Variants in SLC35B2 observed in about 807,000 individuals in gnomAD.
The protein encoded by SLC35B2 is solute carrier family 35 member B2, also known as adenosine 3'-phospho 5'-phosphosulfate transporter 1.
SLC35B2 carries 19 observed loss-of-function variants against 37.9 expected under a neutral mutation model. The ratio of observed to expected loss-of-function variants is 0.50; its 90% CI spans 0.35 to 0.74. The LOEUF (loss-of-function observed/expected upper bound fraction) is 0.74. Ranked by LOEUF, SLC35B2 falls within the 30% of genes least tolerant of loss-of-function variation. The probability of loss-of-function intolerance (pLI) is 0.01; values close to 1 mark genes in which losing one functional copy is unlikely to be tolerated. For synonymous variants in SLC35B2, 277 were observed against 225.2 expected (o/e 1.23, Z -2.06); for missense variants, 633 against 547.6 (o/e 1.16, Z -1.56).
chr6:44,255,523 A>C lies in SLC35B2; in HGVS notation c.482T>G (p.Val161Gly). 3 of 1,614,092 alleles carry C rather than the reference A, an allele frequency of 1.9e-6. No individual in the cohort carries two copies. Among genetic ancestry groups the C allele is most frequent in the Non-Finnish European group, 2.5e-6 (3 of 1,180,036 alleles). The change falls in exon 4 of 4, where the codon GTG becomes GGG. Residue 161 changes from valine (V) to glycine (G), a missense_variant. Val to Gly is a moderately radical substitution (Grantham distance 109). Transcript: ENST00000393812. Reference sequence around the variant, plus strand: ...GAGGCCAGCCACAATCAGTGCCAGCACTCGGTTCATTAGCACCAGGAACTG... The same window carrying C: ...GAGGCCAGCCACAATCAGTGCCAGCCCTCGGTTCATTAGCACCAGGAACTG... ...DSQFLVLMNR[V>G]LALIVAGLSC...
chr6:44,257,235 G>A (rs1027991032), intron 1 of SLC35B2, 165 bp downstream of exon 1: 24 of 768,502 alleles, frequency 3.1e-5, no homozygotes, highest in South Asian at 7.3e-5. Context: ...AGCTCCCCAA[G>A]GAGCACAAAA....
In SLC35B2 at chr6:44,254,657, G is replaced by T. The variant is rs1781171028; in HGVS notation, c.*49C>A. ...TCCCTCAGAGGTTACAGCAGAAGGG[G>T]ATGGTGGGAGGGTCCTATTTCACTT... On this transcript the variant is annotated 3_prime_UTR_variant, in exon 4 of 4. Coordinates refer to ENST00000393812, the MANE Select transcript of SLC35B2 (RefSeq NM_178148.4). The T allele has an allele frequency of 2.6e-6, 4 of 1,548,156 alleles. No individual in the cohort carries two copies. In the East Asian group the frequency reaches 9.0e-5, roughly 35 times the overall value.
chr6:44,256,725 G>A lies in SLC35B2; in HGVS notation c.165C>T (p.Leu55=). The A allele has an allele frequency of 6.2e-7, 1 of 1,614,166 alleles. No individual in the cohort carries two copies. The change falls in exon 2 of 4, where the codon CTC becomes CTT. Residue 55 remains leucine, a synonymous_variant. Coordinates refer to ENST00000393812, the MANE Select transcript of SLC35B2 (RefSeq NM_178148.4). The stretch of plus-strand genomic sequence containing the variant: ...TCTTCCGCCTGAAGTACTGCACCAG[G>A]AGGTAGCCAGGTACCATAAAGCTGG... ...GYASFMVPGY[L]LVQYFRRKNY... is the part of the protein sequence containing the mutation.
chr6:44,255,755 T>G, intron 3 of SLC35B2, 111 bp from the exon 4 acceptor site: 1 of 1,077,014 alleles, frequency 9.3e-7, no homozygotes, highest in Non-Finnish European at 1.3e-6. Context: ...AAGGAAAATA[T>G]ACACTTTTTG....
intron 1 of SLC35B2, chr6:44,257,179 CCCCT>C (rs1231718684): frequency 1.8e-5 from 9 of 513,054 alleles, no homozygotes; most frequent in Non-Finnish European, 2.9e-5. Flanking sequence ...CCCCCACACT[CCCCT>C]CCACGATCCG....
intron 3 of SLC35B2, among the ~76,000 whole-genome samples, chr6:44,255,950 T>A (rs1434641253): frequency 6.6e-6 from 1 of 152,084 alleles, no homozygotes; most frequent in Non-Finnish European, 1.5e-5. Context: ...ATGTTAGCAC[T>A]CTCTCACATG....
chr6:44,256,243 C>A, intron 3 of SLC35B2, 99 bp downstream of exon 3: 1 of 1,473,700 alleles, frequency 6.8e-7, no homozygotes, highest in Non-Finnish European at 9.1e-7. Flanking sequence ...CGAAACACAC[C>A]AGCCAGCAAA....
Position 44,255,032 on chromosome 6 carries a change from G to A in SLC35B2, c.973C>T (p.Leu325=). ...VGSLLEQGAL[L]EGTRFMGRHS... is the part of the protein sequence containing the mutation. Reference sequence around the variant, plus strand: ...CGCCCCATGAAGCGGGTTCCCTCCAGTAGGGCCCCCTGTTCTAGCAGTGAG... The same window carrying A: ...CGCCCCATGAAGCGGGTTCCCTCCAATAGGGCCCCCTGTTCTAGCAGTGAG... Residue 325 remains leucine (L), a synonymous_variant, in exon 4 of 4, where the codon CTG becomes TTG. Transcript: ENST00000393812. 6.2e-7 allele frequency: 1 copy of A among 1,614,210 alleles called. No individual in the cohort carries two copies. Among genetic ancestry groups the A allele is most frequent in the Admixed American group, 1.7e-5 (1 of 60,030 alleles).
chr6:44,255,718 TC>T, intron 3 of SLC35B2, 74 bp from the exon 4 acceptor site: 1 of 1,400,794 alleles, frequency 7.1e-7, no homozygotes, highest in African/African-American at 1.4e-5. Flanking sequence ...GACCTCTCTC[TC>T]TTCAGGATTA....
intron 3 of SLC35B2, among the ~76,000 whole-genome samples, chr6:44,255,969 G>C (rs1781407121): frequency 7.6e-6 from 1 of 131,870 alleles, no homozygotes; most frequent in Admixed American, 7.4e-5. Flanking sequence ...TGCAGTACTG[G>C]GGGAAGGCTG....
At position 44,255,474 on chromosome 6, in the gene SLC35B2, G is replaced by A; in HGVS notation, c.531C>T (p.Pro177=). 1 of 1,614,188 alleles carries A rather than the reference G, an allele frequency of 6.2e-7. No individual in the cohort carries two copies. The highest frequency in any genetic ancestry group is 1.3e-5 in the African/African-American group (1 of 75,036). The change falls in exon 4 of 4, where the codon CCC becomes CCT. Residue 177 remains proline (P), a synonymous_variant. Coordinates refer to ENST00000393812, the MANE Select transcript of SLC35B2 (RefSeq NM_178148.4). ...ACCGGTACATGGGTGCCCCATGCCG[G>A]GGCTGCTTGCAGAGAACACAGGAGA... ...AGLSCVLCKQ[P]RHGAPMYRYS...
chr6:44,255,226 T>G lies in SLC35B2; in HGVS notation c.779A>C (p.Glu260Ala), dbSNP rs1277339751. 2.5e-6 allele frequency: 4 copies of G among 1,613,984 alleles called. No homozygotes were observed. Among genetic ancestry groups the G allele is most frequent in the Non-Finnish European group, 2.5e-6 (3 of 1,180,018 alleles). Residue 260 changes from glutamate to alanine, a missense_variant, in exon 4 of 4, where the codon GAG (glutamate) becomes GCG (alanine). Transcript: ENST00000393812. Reference protein sequence around the residue: ...VSMFLLSSGPEPRSSPATTLS... With the variant: ...VSMFLLSSGPAPRSSPATTLS... ...TGTGGTGGCTGGGGAGCTGCGGGGCTCTGGTCCGCTGGATAGCAGAAACAT... is the reference window on the plus strand; with the variant it reads ...TGTGGTGGCTGGGGAGCTGCGGGGCGCTGGTCCGCTGGATAGCAGAAACAT...
chr6:44,257,074 C>T, intron 1 of SLC35B2, 196 bp from the exon 2 acceptor site: 3 of 662,092 alleles, frequency 4.5e-6, no homozygotes, highest in East Asian at 5.8e-5. Flanking sequence ...AGAGCTTCCT[C>T]CCTCCCCGGG....
At chr6:44,255,709 A>T in intron 3 of SLC35B2, 65 bp from the exon 4 acceptor site, 6 of 1,458,144 alleles carry the variant, frequency 4.1e-6, no homozygotes, top group Non-Finnish European at 5.6e-6. Context: ...ACAAAAATTG[A>T]CCTCTCTCTC....
At chr6:44,255,880 T>C (rs1042211196) in intron 3 of SLC35B2, among the ~76,000 whole-genome samples, 2 of 152,160 alleles carry the variant, frequency 1.3e-5, no homozygotes, top group Non-Finnish European at 2.9e-5. Context: ...TGGGTATCTG[T>C]AGTTCAACAT....
chr6:44,255,199 A>G lies in SLC35B2; in HGVS notation c.806T>C (p.Leu269Pro), dbSNP rs1781271770. The change falls in exon 4 of 4, where the codon CTC becomes CCC. Residue 269 changes from leucine to proline, a missense_variant. Transcript: ENST00000393812. ...PEPRSSPATT[L>P]SGLILLAGYI... ...ACCTGCCAGTAAGATGAGGCCTGAG[A>G]GTGTGGTGGCTGGGGAGCTGCGGGG... The G allele has an allele frequency of 1.9e-6, 3 of 1,614,222 alleles. No individual in the cohort carries two copies. The highest frequency in any genetic ancestry group is 2.5e-6 in the Non-Finnish European group (3 of 1,180,032).
chr6:44,254,127 A>C lies in SLC35B2; in HGVS notation c.*579T>G. On this transcript the variant is annotated 3_prime_UTR_variant, in exon 4 of 4. Coordinates refer to ENST00000393812, the MANE Select transcript of SLC35B2 (RefSeq NM_178148.4). ...CCACTGCAGTAATTTAATTTAATAA[A>C]ATAAAATTATAAGAGCAAAAAGTTA... The C allele has an allele frequency of 4.6e-6, 1 of 216,120 alleles. No individual in the cohort carries two copies. The highest frequency in any genetic ancestry group is 9.5e-6 in the Non-Finnish European group (1 of 105,504). The allele number at this position is 216,120 out of a possible 1,614,324, so 13.4% of individuals were successfully genotyped here.
At chr6:44,255,755 T>A (rs568755941) in intron 3 of SLC35B2, 111 bp from the exon 4 acceptor site, 2 of 1,077,012 alleles carry the variant, frequency 1.9e-6, no homozygotes, top group Non-Finnish European at 2.6e-6. Flanking sequence ...AAGGAAAATA[T>A]ACACTTTTTG....
Position 44,256,719 on chromosome 6 carries a change from C to T in SLC35B2, c.171G>A (p.Val57=). 1 of 1,614,190 alleles carries T rather than the reference C, an allele frequency of 6.2e-7. No individual in the cohort carries two copies. Among genetic ancestry groups the T allele is most frequent in the Middle Eastern group, 1.6e-4 (1 of 6,062 alleles). The change falls in exon 2 of 4, where the codon GTG becomes GTA. Residue 57 remains valine (V), a synonymous_variant. Coordinates refer to ENST00000393812, the MANE Select transcript of SLC35B2 (RefSeq NM_178148.4). ...ASFMVPGYLL[V]QYFRRKNYLE... The stretch of plus-strand genomic sequence containing the variant: ...GGTAGTTCTTCCGCCTGAAGTACTG[C>T]ACCAGGAGGTAGCCAGGTACCATAA...
Sources: allele counts gnomAD v4.1 joint callset (sites outside exome capture counted in the v4.1 genomes callset), GRCh38; gene constraint gnomAD v4.1.1; transcripts MANE v1.5; gene names NCBI Gene and HGNC (gene_info 2026-07-23, HGNC 2026-07-21).